IGSF11: variants seen among roughly 807,000 people sequenced by gnomAD.
The protein encoded by IGSF11 is CXADR like 1.
Under a neutral mutation model 41.0 loss-of-function variants are expected in IGSF11, and 22 were observed. The observed-to-expected ratio is 0.54, with a 90% CI of 0.38 to 0.77. The LOEUF (loss-of-function observed/expected upper bound fraction) is 0.77. Ranked by LOEUF, IGSF11 falls within the 30% of genes least tolerant of loss-of-function variation. The pLI, the probability that IGSF11 is intolerant of heterozygous loss-of-function variation, is 0.00. For synonymous variants in IGSF11, 219 were observed against 201.3 expected, an observed-to-expected ratio of 1.09 and a Z score of -0.74; for missense variants, 444 against 530.8, an observed-to-expected ratio of 0.84 and a Z score of 1.61.
intron 4 of IGSF11, among the ~76,000 whole-genome samples, chr3:118,906,474 T>C (rs957189330): frequency 2.0e-5 from 3 of 152,198 alleles, no homozygotes; most frequent in African/African-American, 7.2e-5. Flanking sequence ...TTTGCAGAAA[T>C]AGGCCTGCAT....
intron 1 of IGSF11, among the ~76,000 whole-genome samples, chr3:119,135,183 A>T (rs1291819297): frequency 1.3e-5 from 2 of 152,240 alleles, no homozygotes; most frequent in Non-Finnish European, 2.9e-5. Flanking sequence ...CACCAAAAGC[A>T]ATGGCAACAA....
At chr3:119,134,841 A>G (rs2077537753) in intron 1 of IGSF11, among the ~76,000 whole-genome samples, 1 of 152,020 alleles carries the variant, frequency 6.6e-6, no homozygotes, top group African/African-American at 2.4e-5. Flanking sequence ...AACAGCATAC[A>G]CAGATACACA....
chr3:119,084,020 C>A (rs1157588376), intron 1 of IGSF11, among the ~76,000 whole-genome samples: 2 of 152,112 alleles, frequency 1.3e-5, no homozygotes, highest in East Asian at 3.8e-4. Flanking sequence ...GACAGTGATA[C>A]TGATGATCCT....
At chr3:119,037,765 T>C (rs1349651721), upstream of IGSF11, among the ~76,000 whole-genome samples, 2 of 152,236 alleles carry the variant, frequency 1.3e-5, no homozygotes, top group Non-Finnish European at 2.9e-5. Context: ...ATTAACTTTA[T>C]TATTAGCTTA....
rs189501159 is a variant in IGSF11, at chr3:119,029,345, A to G, written c.52+5186T>C. On this transcript the variant is annotated intron_variant, in intron 1 of 6. Coordinates refer to ENST00000393775, the MANE Select transcript of IGSF11 (RefSeq NM_001015887.3). ...GAGGAGAAAGGGAATTTTATTATAC[A>G]GTTAACTTCATTAAACAAGGGGAAA... Among the ~76,000 whole-genome samples, 23 of 152,188 alleles carry G rather than the reference A, an allele frequency of 1.5e-4. 1 individual carries two copies. In the East Asian group the frequency reaches 3.7e-3, roughly 24 times the overall value.
At chr3:119,053,397 T>C (rs1576736746) in intron 1 of IGSF11, among the ~76,000 whole-genome samples, 1 of 151,974 alleles carries the variant, frequency 6.6e-6, no homozygotes, top group South Asian at 2.1e-4. Flanking sequence ...AATCAAGAAC[T>C]CAACCCCTTT....
intron 4 of IGSF11, among the ~76,000 whole-genome samples, chr3:118,909,250 GTAAC>G (rs1471800165): frequency 7.9e-5 from 12 of 151,924 alleles, no homozygotes; most frequent in Non-Finnish European, 1.5e-5. Flanking sequence ...TAAATAATGA[GTAAC>G]TATAATAAAC....
chr3:118,949,621 T>G (rs927761071), intron 1 of IGSF11, among the ~76,000 whole-genome samples: 8 of 152,252 alleles, frequency 5.3e-5, no homozygotes, highest in Non-Finnish European at 1.0e-4. Context: ...GTTTCACTTT[T>G]GCATGTATTA....
At chr3:119,111,369 C>T (rs1423722150) in intron 1 of IGSF11, among the ~76,000 whole-genome samples, 1 of 152,222 alleles carries the variant, frequency 6.6e-6, no homozygotes, top group African/African-American at 2.4e-5. Flanking sequence ...ACCCTTTCTT[C>T]CAGTTGATCG....
intron 1 of IGSF11, among the ~76,000 whole-genome samples, chr3:119,029,261 CA>C (rs1940149905): frequency 2.7e-5 from 4 of 148,592 alleles, no homozygotes; most frequent in African/African-American, 4.9e-5. Flanking sequence ...CACACACACA[CA>C]CACACACACA....
At position 118,925,923 on chromosome 3, in the gene IGSF11, T is replaced by C. The variant is rs147180110; in HGVS notation, c.580+178A>G. 9.5e-5 allele frequency: 37 copies of C among 390,252 alleles called. No homozygotes were observed. The Admixed American group carries it at 1.6e-3, about 16-fold the overall frequency. The allele number at this position is 390,252 out of a possible 1,614,324, so 24.2% of individuals were successfully genotyped here. On this transcript the variant is annotated intron_variant, in intron 4 of 6. Transcript: ENST00000393775. ...TGAAATACATTTCATAAAGGCAATA[T>C]AGAGAAGAGAGAGAAAATCTTTTAT...
In IGSF11 at chr3:118,902,680, C is replaced by T. The variant is rs1407984305; in HGVS notation, c.1136G>A (p.Gly379Glu). The T allele has an allele frequency of 2.5e-6, 4 of 1,613,920 alleles. No homozygotes were observed. The highest frequency in any genetic ancestry group is 3.4e-6 in the Non-Finnish European group (4 of 1,179,988). The change falls in exon 7 of 7, where the codon GGG becomes GAG. Residue 379 changes from glycine to glutamate, a missense_variant. By Grantham distance (98) the Gly-to-Glu change is moderately conservative. Coordinates refer to ENST00000393775, the MANE Select transcript of IGSF11 (RefSeq NM_001015887.3). ...HKTLVVTANRGSSPQVMSRSN... is the reference protein window; with the variant it reads ...HKTLVVTANRESSPQVMSRSN... ...CCTGGACATCACCTGTGGTGATGAC[C>T]CTCTGTTGGCTGTCACTACCAGAGT...
At chr3:118,932,900 C>T (rs1486222050) in intron 1 of IGSF11, among the ~76,000 whole-genome samples, 1 of 152,194 alleles carries the variant, frequency 6.6e-6, no homozygotes, top group African/African-American at 2.4e-5. Context: ...TCAAGCTTAA[C>T]TCAAACAATC....
At position 118,902,607 on chromosome 3, in the gene IGSF11, G is replaced by C; in HGVS notation, c.1209C>G (p.Ser403=). The C allele has an allele frequency of 6.2e-7, 1 of 1,614,084 alleles. No individual in the cohort carries two copies. Among genetic ancestry groups the C allele is most frequent in the African/African-American group, 1.3e-5 (1 of 75,024 alleles). Residue 403 remains serine, a synonymous_variant, in exon 7 of 7, where the codon TCC becomes TCG. Coordinates refer to ENST00000393775, the MANE Select transcript of IGSF11 (RefSeq NM_001015887.3). ...SRKPRPPHTH[S]YTISHATLER... is the part of the protein sequence containing the mutation. Reference sequence around the variant, plus strand: ...CCAGTGTTGCGTGGCTGATGGTGTAGGAATGAGTGTGTGGAGGCCGAGGCT... The same window carrying C: ...CCAGTGTTGCGTGGCTGATGGTGTACGAATGAGTGTGTGGAGGCCGAGGCT...
chr3:119,115,007 T>A (rs2077236192), intron 1 of IGSF11, among the ~76,000 whole-genome samples: 1 of 152,008 alleles, frequency 6.6e-6, no homozygotes, highest in Non-Finnish European at 1.5e-5. Flanking sequence ...GCTACACACT[T>A]TAAAATAACC....
At chr3:118,962,329 A>G (rs1389520445) in intron 1 of IGSF11, among the ~76,000 whole-genome samples, 2 of 152,160 alleles carry the variant, frequency 1.3e-5, no homozygotes, top group Non-Finnish European at 2.9e-5. Flanking sequence ...TTTTTGTACT[A>G]TAATACTTTG....
chr3:119,011,510 A>G (rs905062387), intron 1 of IGSF11, among the ~76,000 whole-genome samples: 1 of 152,200 alleles, frequency 6.6e-6, no homozygotes, highest in African/African-American at 2.4e-5. Flanking sequence ...CTCCAGTAGA[A>G]AAATCTGCCA....
intron 1 of IGSF11, among the ~76,000 whole-genome samples, chr3:118,995,819 A>AT (rs947270150): frequency 7.9e-5 from 12 of 151,312 alleles, no homozygotes; most frequent in Admixed American, 5.9e-4. Flanking sequence ...CGCCCCGCTA[A>AT]TTTTTTTTTA....
At chr3:119,086,764 C>T (rs985156550) in intron 1 of IGSF11, among the ~76,000 whole-genome samples, 1 of 152,168 alleles carries the variant, frequency 6.6e-6, no homozygotes, top group Non-Finnish European at 1.5e-5. Context: ...TAAGGGAGTG[C>T]TAAACATGGA....
Sources: allele counts gnomAD v4.1 joint callset (sites outside exome capture counted in the v4.1 genomes callset), GRCh38; gene constraint gnomAD v4.1.1; transcripts MANE v1.5; gene names NCBI Gene and HGNC (gene_info 2026-07-23, HGNC 2026-07-21).